NEGR1: variants seen among roughly 807,000 people sequenced by gnomAD.
NEGR1 encodes IgLON family member 4.
NEGR1 carries 10 observed loss-of-function variants against 40.9 expected under a neutral mutation model. The ratio of observed to expected loss-of-function variants is 0.24; its 90% CI spans 0.15 to 0.42. The LOEUF (loss-of-function observed/expected upper bound fraction) is 0.42, where lower values mean the gene tolerates loss of function less well. Ranked by LOEUF, NEGR1 falls within the 10% of genes least tolerant of loss-of-function variation. The pLI is 1.00. For synonymous variants in NEGR1, 185 were observed against 166.8 expected, an observed-to-expected ratio of 1.11 and a Z score of -0.84; for missense variants, 352 against 438.9, an observed-to-expected ratio of 0.80 and a Z score of 1.77.
rs541042962 is a variant in NEGR1, at chr1:71,733,783, G to A, written c.536-35644C>T. On this transcript the variant is annotated intron_variant, in intron 3 of 6. Coordinates refer to ENST00000357731, the MANE Select transcript of NEGR1 (RefSeq NM_173808.3). ...ATATAATTGTAGACCAAAATAAAAT[G>A]GTGCAGAATTATATATGTCATCTAA... Among the ~76,000 whole-genome samples the A allele has an allele frequency of 2.0e-5, 3 of 152,158 alleles. No homozygotes were observed. In the South Asian group the frequency reaches 6.2e-4, roughly 32 times the overall value.
At chr1:71,968,956 T>C (rs1646233670) in intron 1 of NEGR1, among the ~76,000 whole-genome samples, 1 of 152,108 alleles carries the variant, frequency 6.6e-6, no homozygotes, top group Admixed American at 6.5e-5. Context: ...TGAATTTAAA[T>C]AAGAGCTGCC....
At chr1:71,750,465 A>G (rs1471001379) in intron 3 of NEGR1, among the ~76,000 whole-genome samples, 1 of 152,178 alleles carries the variant, frequency 6.6e-6, no homozygotes, top group African/African-American at 2.4e-5. Context: ...TATAAAGAAA[A>G]GAGGTTTAAT....
intron 1 of NEGR1, among the ~76,000 whole-genome samples, chr1:72,075,181 G>GT (rs1459967874): frequency 6.6e-6 from 1 of 152,074 alleles, no homozygotes; most frequent in African/African-American, 2.4e-5. Context: ...GAGAAGCTTA[G>GT]TAAATATTTA....
intron 6 of NEGR1, among the ~76,000 whole-genome samples, chr1:71,573,767 A>T (rs1252756082): frequency 3.9e-5 from 6 of 152,220 alleles, no homozygotes; most frequent in Non-Finnish European, 8.8e-5. Flanking sequence ...TCCTAGGCAG[A>T]TGACAAGAAA....
chr1:72,065,200 A>G (rs1647244048), intron 1 of NEGR1, among the ~76,000 whole-genome samples: 2 of 152,096 alleles, frequency 1.3e-5, no homozygotes, highest in African/African-American at 4.8e-5. Context: ...ATTCATATGT[A>G]TATTTTGCAC....
At chr1:72,252,400 T>C (rs556967323) in intron 1 of NEGR1, among the ~76,000 whole-genome samples, 1 of 152,260 alleles carries the variant, frequency 6.6e-6, no homozygotes, top group Admixed American at 6.5e-5. Context: ...ATTCAAGAAA[T>C]AATATTTTAT....
chr1:71,685,103 A>G (rs565938608), intron 4 of NEGR1, among the ~76,000 whole-genome samples: 1 of 152,226 alleles, frequency 6.6e-6, no homozygotes, highest in South Asian at 2.1e-4. Context: ...TGTTCAATTA[A>G]TCATGTTAGT....
At chr1:71,569,438 CTA>C (rs1381540558) in intron 6 of NEGR1, among the ~76,000 whole-genome samples, 2 of 152,154 alleles carry the variant, frequency 1.3e-5, no homozygotes, top group Admixed American at 6.5e-5. Context: ...AGAAAAAACT[CTA>C]TTTGAGCAGT....
At chr1:72,117,918 T>C (rs1256252736) in intron 1 of NEGR1, among the ~76,000 whole-genome samples, 1 of 151,794 alleles carries the variant, frequency 6.6e-6, no homozygotes, top group Non-Finnish European at 1.5e-5. Context: ...ATTCTGTGAT[T>C]AGAGAGGACT....
chr1:71,675,864 T>C (rs1652617676), intron 4 of NEGR1, among the ~76,000 whole-genome samples: 1 of 152,030 alleles, frequency 6.6e-6, no homozygotes, highest in Non-Finnish European at 1.5e-5. Context: ...TGCAGTGTTG[T>C]GATCATAGCT....
chr1:71,868,201 C>A (rs1270441324), intron 2 of NEGR1, among the ~76,000 whole-genome samples: 1 of 152,100 alleles, frequency 6.6e-6, no homozygotes, highest in Non-Finnish European at 1.5e-5. Context: ...TTACTTAGCA[C>A]AATATTCCTG....
intron 1 of NEGR1, among the ~76,000 whole-genome samples, chr1:72,066,456 A>G (rs910828156): frequency 5.3e-5 from 8 of 152,154 alleles, no homozygotes; most frequent in African/African-American, 1.9e-4. Context: ...ATAATAAATA[A>G]TGATTAACTG....
chr1:71,929,777 A>G (rs1645837856), intron 2 of NEGR1, among the ~76,000 whole-genome samples: 1 of 149,462 alleles, frequency 6.7e-6, no homozygotes, highest in Non-Finnish European at 1.5e-5. Context: ...AAGCAGGCCC[A>G]TGTCCTGTGA....
intron 1 of NEGR1, among the ~76,000 whole-genome samples, chr1:71,969,407 G>A (rs1227836879): frequency 6.6e-6 from 1 of 152,128 alleles, no homozygotes; most frequent in Non-Finnish European, 1.5e-5. Flanking sequence ...ATACAGTATT[G>A]CCTTGCTTCT....
At chr1:71,872,135 G>C (rs1304550513) in intron 2 of NEGR1, among the ~76,000 whole-genome samples, 1 of 152,136 alleles carries the variant, frequency 6.6e-6, no homozygotes, top group Non-Finnish European at 1.5e-5. Context: ...TTGCTTAAAA[G>C]TTTCTAAATT....
At chr1:72,065,178 C>G (rs1647243559) in intron 1 of NEGR1, among the ~76,000 whole-genome samples, 1 of 151,992 alleles carries the variant, frequency 6.6e-6, no homozygotes, top group African/African-American at 2.4e-5. Flanking sequence ...CATTTTTTTA[C>G]TGGACATCTT....
At chr1:71,747,111 A>G (rs1406848862) in intron 3 of NEGR1, among the ~76,000 whole-genome samples, 1 of 152,220 alleles carries the variant, frequency 6.6e-6, no homozygotes, top group Non-Finnish European at 1.5e-5. Flanking sequence ...TCTAGTGAAT[A>G]GTAAAATACA....
chr1:71,701,830 CT>C (rs1326284586), intron 3 of NEGR1, among the ~76,000 whole-genome samples: 4 of 151,970 alleles, frequency 2.6e-5, no homozygotes, highest in Non-Finnish European at 5.9e-5. Context: ...ATTAATCTCT[CT>C]GAATAATACA....
intron 1 of NEGR1, among the ~76,000 whole-genome samples, chr1:72,035,210 C>A (rs1164271852): frequency 6.6e-6 from 1 of 152,144 alleles, no homozygotes; most frequent in East Asian, 1.9e-4. Flanking sequence ...AAACCGGAGA[C>A]CCTCTCTCGG....
Sources: allele counts gnomAD v4.1 joint callset (sites outside exome capture counted in the v4.1 genomes callset), GRCh38; gene constraint gnomAD v4.1.1; transcripts MANE v1.5; gene names NCBI Gene and HGNC (gene_info 2026-07-23, HGNC 2026-07-21).